The following PEAK1 variants were observed in gnomAD, a reference collection of about 807,000 sequenced individuals.
PEAK1 encodes pseudopodium enriched atypical kinase 1.
In PEAK1, 54 loss-of-function variants were observed where a neutral mutation model predicts 124.7. The ratio of observed to expected loss-of-function variants is 0.43; its 90% CI spans 0.35 to 0.54. The LOEUF (loss-of-function observed/expected upper bound fraction) is 0.54, where lower values mean the gene tolerates loss of function less well. Among genes scored for constraint, PEAK1 ranks in the 20% least tolerant of loss-of-function variants. PEAK1 has a pLI of 0.01. For synonymous variants in PEAK1, 719 were observed against 760.0 expected (o/e 0.95, Z 0.89); for missense variants, 2,046 against 2,134.5 (o/e 0.96, Z 0.82).
chr15:77,321,123 T>C (rs1254126378), intron 2 of PEAK1, among the ~76,000 whole-genome samples: 3 of 152,232 alleles, frequency 2.0e-5, no homozygotes, highest in Admixed American at 6.5e-5. Flanking sequence ...TAAACATATG[T>C]GTGCATGTGT....
intron 1 of PEAK1, chr15:77,401,953 C>T: frequency 1.1e-6 from 1 of 952,258 alleles, no homozygotes; most frequent in Non-Finnish European, 1.3e-6. Flanking sequence ...AATCCCAGCA[C>T]TTTGGGAGGC....
intron 2 of PEAK1, chr15:77,335,930 A>T (rs1038501022): frequency 1.0e-6 from 1 of 985,202 alleles, no homozygotes; most frequent in Non-Finnish European, 1.2e-6. Context: ...CAATAAGAAC[A>T]CCTATCTCTT....
At position 77,179,893 on chromosome 15, in the gene PEAK1, GGT is replaced by G. The variant is rs1567075193; in HGVS notation, c.2032_2033del (p.Thr678HisfsTer2). The G allele has an allele frequency of 6.2e-7, 1 of 1,614,060 alleles. No homozygotes were observed. The highest frequency in any genetic ancestry group is 8.5e-7 in the Non-Finnish European group (1 of 1,179,984). On this transcript the variant is annotated frameshift_variant, in exon 7 of 10. Coordinates refer to ENST00000682557, the MANE Select transcript of PEAK1 (RefSeq NM_001385026.1). LOFTEE classifies it high-confidence loss of function. ...IETESKVPDN[T>X]TSKTTDCLQT... ...GAAGACAGTCAGTGGTTTTGCTAGT[GGT>G]GTTATCAGGCACTTTGCTTTCTGTT... is the stretch of plus-strand genomic sequence containing the variant.
intron 8 of PEAK1, among the ~76,000 whole-genome samples, chr15:77,143,290 G>C (rs2053929869): frequency 6.6e-6 from 1 of 152,174 alleles, no homozygotes; most frequent in Admixed American, 6.5e-5. Context: ...GAGAAGGTTA[G>C]AAGCAGTGAA....
chr15:77,230,876 C>G (rs943977408), intron 6 of PEAK1, among the ~76,000 whole-genome samples: 8 of 151,804 alleles, frequency 5.3e-5, no homozygotes, highest in African/African-American at 1.9e-4. Context: ...ACCACAAAAA[C>G]CCAGTAAGAA....
At chr15:77,397,957 C>T (rs982448267) in intron 1 of PEAK1, among the ~76,000 whole-genome samples, 11 of 152,060 alleles carry the variant, frequency 7.2e-5, no homozygotes, top group Admixed American at 2.0e-4. Flanking sequence ...CCCAGCTACT[C>T]GGGAGGCTGA....
chr15:77,137,342 T>C (rs950397566), intron 8 of PEAK1, among the ~76,000 whole-genome samples: 6 of 152,180 alleles, frequency 3.9e-5, no homozygotes, highest in Non-Finnish European at 8.8e-5. Context: ...GTAGATCCAC[T>C]GACAGCTTGC....
intron 7 of PEAK1, among the ~76,000 whole-genome samples, chr15:77,169,729 G>C (rs2056373994): frequency 6.6e-6 from 1 of 152,184 alleles, no homozygotes; most frequent in African/African-American, 2.4e-5. Context: ...AGAGGTTAGA[G>C]AGAAGTAGAT....
intron 2 of PEAK1, among the ~76,000 whole-genome samples, chr15:77,304,364 C>T (rs1460753119): frequency 6.6e-6 from 1 of 151,616 alleles, no homozygotes; most frequent in African/African-American, 2.4e-5. Flanking sequence ...TTGTAGTTTT[C>T]CACCTATAGA....
intron 9 of PEAK1, among the ~76,000 whole-genome samples, chr15:77,120,281 T>C (rs539909283): frequency 1.3e-5 from 2 of 152,314 alleles, no homozygotes; most frequent in East Asian, 3.9e-4. Context: ...GTGTCTACAT[T>C]TGTAACGCAC....
intron 2 of PEAK1, among the ~76,000 whole-genome samples, chr15:77,313,726 G>GTGTGTATATATA (rs1462211130): frequency 1.2e-4 from 13 of 108,552 alleles, no homozygotes; most frequent in Middle Eastern, 5.1e-3. Context: ...GTGTGTGTGT[G>GTGTGTATATATA]TATATATATA....
chr15:77,370,349 A>C lies in PEAK1; in HGVS notation c.-665-5124T>G, dbSNP rs549425633. Among the ~76,000 whole-genome samples, 393 of 152,320 alleles carry C rather than the reference A, an allele frequency of 2.6e-3. 1 individual carries two copies. The highest frequency in any genetic ancestry group is 4.6e-3 in the Non-Finnish European group (316 of 68,018). ...ACACAAAAAAGTTTTAAAAATCTTG[A>C]AAGTTGTAATAAATAAAATGTTATA... On this transcript the variant is annotated intron_variant, in intron 1 of 9. Coordinates refer to ENST00000682557, the MANE Select transcript of PEAK1 (RefSeq NM_001385026.1).
intron 5 of PEAK1, among the ~76,000 whole-genome samples, chr15:77,272,266 C>A (rs2152955756): frequency 6.6e-6 from 1 of 152,084 alleles, no homozygotes; most frequent in African/African-American, 2.4e-5. Context: ...AAGATCAGAG[C>A]AGTACTAAAT....
chr15:77,337,939 G>GA (rs2066300937), intron 2 of PEAK1: 5 of 984,144 alleles, frequency 5.1e-6, no homozygotes, highest in Non-Finnish European at 6.0e-6. Context: ...GGTGCTGATA[G>GA]AAAAAAATAA....
chr15:77,364,493 G>T lies in PEAK1; in HGVS notation c.-603+670C>A, dbSNP rs547796929. 1.2e-4 allele frequency among the ~76,000 whole-genome samples: 19 copies of T among 152,242 alleles called. 1 individual carries two copies. The highest frequency in any genetic ancestry group is 4.3e-4 in the African/African-American group (18 of 41,544). ...ATTTTTTTAAAGAAAAAAATAATCT[G>T]TTGACAATGATAAAAATGGCTGACA... On this transcript the variant is annotated intron_variant, in intron 2 of 9. Transcript: ENST00000682557.
chr15:77,183,658 C>T (rs930211780), intron 6 of PEAK1, among the ~76,000 whole-genome samples: 4 of 151,200 alleles, frequency 2.6e-5, no homozygotes, highest in Admixed American at 1.3e-4. Flanking sequence ...AAAAAAATGA[C>T]AAGAGAATGA....
At chr15:77,229,649 CT>C (rs200956203) in intron 6 of PEAK1, among the ~76,000 whole-genome samples, 4,345 of 138,826 alleles carry the variant, frequency 0.031, 68 homozygotes, top group African/African-American at 0.05. Context: ...TCTTTTCTTT[CT>C]TTTTTTTTTT....
chr15:77,185,162 G>A (rs765266775), intron 6 of PEAK1, among the ~76,000 whole-genome samples: 2 of 152,174 alleles, frequency 1.3e-5, no homozygotes, highest in African/African-American at 2.4e-5. Context: ...GTATTCAAAT[G>A]ATTATGGAGC....
chr15:77,152,957 G>C (rs1355814945), intron 8 of PEAK1, among the ~76,000 whole-genome samples: 1 of 150,782 alleles, frequency 6.6e-6, no homozygotes. Flanking sequence ...TCTGTTTTTT[G>C]GTTGTGTCTC....
Sources: gnomAD v4.1 joint callset for allele counts (sites outside exome capture counted in the v4.1 genomes callset) on GRCh38, gnomAD v4.1.1 for gene constraint, MANE v1.5 for transcripts, NCBI Gene and HGNC (gene_info 2026-07-23, HGNC 2026-07-21) for gene names.